Variants in DSTYK observed in about 807,000 individuals in gnomAD.
DSTYK encodes the protein dual serine/threonine and tyrosine protein kinase.
A neutral mutation model predicts 98.7 loss-of-function variants in DSTYK; 34 were observed. That is an observed-to-expected ratio of 0.34 (90% CI 0.26 to 0.46). DSTYK has a LOEUF of 0.46. Among genes scored for constraint, DSTYK ranks in the 20% least tolerant of loss-of-function variants. The pLI is 1.00. For synonymous variants in DSTYK, 462 were observed against 457.3 expected (o/e 1.01, Z -0.13); for missense variants, 962 against 1,181.7 (o/e 0.81, Z 2.73).
intron 1 of DSTYK, among the ~76,000 whole-genome samples, chr1:205,204,090 C>T (rs1659131450): frequency 1.3e-5 from 2 of 152,148 alleles, no homozygotes; most frequent in Non-Finnish European, 2.9e-5. Flanking sequence ...CAACAAGGGG[C>T]CTGATGCCCT....
Position 205,161,952 on chromosome 1 carries a change from T to C in DSTYK, c.1818+84A>G. On this transcript the variant is annotated intron_variant, in intron 6 of 12. Transcript: ENST00000367162. ...CACAGACACACACACATATTATATATGAAGAGCGGAGAGCGAAATATTCCC... is the reference window on the plus strand; with the variant it reads ...CACAGACACACACACATATTATATACGAAGAGCGGAGAGCGAAATATTCCC... 1.5e-6 allele frequency: 2 copies of C among 1,352,128 alleles called. 1 individual carries two copies. The highest frequency in any genetic ancestry group is 2.0e-6 in the Non-Finnish European group (2 of 981,560). The allele number at this position is 1,352,128 out of a possible 1,614,324, so 83.8% of individuals were successfully genotyped here. A position where few individuals can be genotyped will look rare whatever the true frequency, so the allele number is the denominator to read the frequency against.
chr1:205,167,437 C>G (rs939637993), intron 3 of DSTYK, among the ~76,000 whole-genome samples: 1 of 152,090 alleles, frequency 6.6e-6, no homozygotes, highest in African/African-American at 2.4e-5. Flanking sequence ...AAGAAGACTT[C>G]ATGAAAAATG....
At chr1:205,178,138 T>C (rs1049540120) in intron 2 of DSTYK, among the ~76,000 whole-genome samples, 2 of 152,090 alleles carry the variant, frequency 1.3e-5, no homozygotes, top group African/African-American at 4.8e-5. Flanking sequence ...TAGCCCTCAG[T>C]AGCCATAGAA....
intron 2 of DSTYK, among the ~76,000 whole-genome samples, chr1:205,185,568 T>C (rs1431250226): frequency 6.6e-6 from 1 of 152,162 alleles, no homozygotes; most frequent in East Asian, 1.9e-4. Flanking sequence ...ACTTAGTGGG[T>C]TGCTACTAAC....
At chr1:205,195,346 A>G (rs1165129615) in intron 1 of DSTYK, among the ~76,000 whole-genome samples, 4 of 152,242 alleles carry the variant, frequency 2.6e-5, no homozygotes, top group Non-Finnish European at 5.9e-5. Flanking sequence ...GTAATCTTAT[A>G]TAGTCTTTCT....
Position 205,161,391 on chromosome 1 carries a change from G to A in DSTYK, c.1819-4C>T. The A allele has an allele frequency of 6.2e-7, 1 of 1,614,000 alleles. No individual in the cohort carries two copies. The highest frequency in any genetic ancestry group is 8.5e-7 in the Non-Finnish European group (1 of 1,179,958). On this transcript the variant is annotated splice_region_variant and splice_polypyrimidine_tract_variant and intron_variant, in intron 6 of 12. Transcript: ENST00000367162. ...GGCCTGAGTGGCCAGCTTCCAGCTGGGAGAGAAACAGAAAAAGTACATATG... is the reference window on the plus strand; with the variant it reads ...GGCCTGAGTGGCCAGCTTCCAGCTGAGAGAGAAACAGAAAAAGTACATATG...
At chr1:205,179,671 T>C (rs1042237677) in intron 2 of DSTYK, among the ~76,000 whole-genome samples, 20 of 147,928 alleles carry the variant, frequency 1.4e-4, no homozygotes, top group African/African-American at 5.2e-4. Context: ...TCCTAACAAT[T>C]CTAGCTAGGG....
chr1:205,149,789 C>T (rs1331344637), intron 11 of DSTYK, among the ~76,000 whole-genome samples: 1 of 152,206 alleles, frequency 6.6e-6, no homozygotes, highest in African/African-American at 2.4e-5. Context: ...GAATTTCAAA[C>T]TCAATGTATT....
rs2102363463 is a variant in DSTYK at position 205,143,474 on chromosome 1, GGTT to G, written c.*4081_*4083del. ...CTCTTTTGGCAGTGGACTCTTCCAG[GGTT>G]GTTAATCCCACTCTGACACAATATG... On this transcript the variant is annotated 3_prime_UTR_variant, in exon 13 of 13. Coordinates refer to ENST00000367162, the MANE Select transcript of DSTYK (RefSeq NM_015375.3). The G allele has an allele frequency of 6.6e-6, 1 of 152,360 alleles. No individual in the cohort carries two copies. Among genetic ancestry groups the G allele is most frequent in the African/African-American group, 2.4e-5 (1 of 41,518 alleles). The allele number at this position is 152,360 out of a possible 1,614,324, so 9.4% of individuals were successfully genotyped here.
At chr1:205,183,044 C>G (rs368762958) in intron 2 of DSTYK, among the ~76,000 whole-genome samples, 2 of 143,930 alleles carry the variant, frequency 1.4e-5, no homozygotes, top group East Asian at 4.3e-4. Context: ...GCTGCTTCTT[C>G]CTTTTCTTAT....
chr1:205,171,454 TAAAAAAAA>T (rs10536424), intron 2 of DSTYK, among the ~76,000 whole-genome samples: 2 of 115,178 alleles, frequency 1.7e-5, no homozygotes, highest in Admixed American at 9.1e-5. Context: ...CTGTCTCAAT[TAAAAAAAA>T]AAAAAAAAAA....
intron 1 of DSTYK, among the ~76,000 whole-genome samples, chr1:205,200,098 G>A (rs1319093892): frequency 6.6e-6 from 1 of 152,038 alleles, no homozygotes; most frequent in African/African-American, 2.4e-5. Context: ...GTGCAGTGGT[G>A]CAATCTCGGC....
At chr1:205,148,086 G>C (rs189011719) in intron 12 of DSTYK, 119 bp downstream of exon 12, 2 of 1,211,218 alleles carry the variant, frequency 1.7e-6, no homozygotes, top group Non-Finnish European at 2.3e-6. Context: ...CAGTTTAAAC[G>C]TATCTACGGC....
intron 1 of DSTYK, among the ~76,000 whole-genome samples, chr1:205,188,410 C>CT (rs1449559859): frequency 3.3e-5 from 5 of 152,126 alleles, no homozygotes; most frequent in Non-Finnish European, 5.9e-5. Context: ...CACACCTAGG[C>CT]TATAGGGTGT....
At chr1:205,147,772 T>C (rs776063141) in intron 12 of DSTYK, 27 bp from the exon 13 acceptor site, 1 of 1,607,164 alleles carries the variant, frequency 6.2e-7, no homozygotes, top group Non-Finnish European at 8.5e-7. Flanking sequence ...GGAAACAAGA[T>C]CACAGTGAGA....
chr1:205,197,987 A>C (rs894193568), intron 1 of DSTYK, among the ~76,000 whole-genome samples: 2 of 152,186 alleles, frequency 1.3e-5, no homozygotes, highest in Admixed American at 6.5e-5. Flanking sequence ...TGAGGTCGGG[A>C]GTTTGAGACC....
At chr1:205,168,323 C>T (rs573289143) in intron 3 of DSTYK, among the ~76,000 whole-genome samples, 94 of 152,220 alleles carry the variant, frequency 6.2e-4, no homozygotes, top group South Asian at 5.8e-3. Flanking sequence ...AGCTGTGTGA[C>T]CCTGGGCAAA....
chr1:205,147,835 G>T, intron 12 of DSTYK, 90 bp from the exon 13 acceptor site: 1 of 1,358,904 alleles, frequency 7.4e-7, no homozygotes, highest in Non-Finnish European at 1.0e-6. Context: ...ACTTCCCAGT[G>T]GGGCTCAGAA....
At position 205,159,970 on chromosome 1, in the gene DSTYK, G is replaced by A. The variant is rs1002572116; in HGVS notation, c.2105+144C>T. ...GGAAAGAGCAAGCAAAGACAGTAAAGGCCTGAAAGGGAGCACATGTCTGTT... is the reference window on the plus strand; with the variant it reads ...GGAAAGAGCAAGCAAAGACAGTAAAAGCCTGAAAGGGAGCACATGTCTGTT... On this transcript the variant is annotated intron_variant, in intron 8 of 12. Transcript: ENST00000367162. 8 of 979,194 alleles carry A rather than the reference G, an allele frequency of 8.2e-6. No individual in the cohort carries two copies. The Admixed American group carries it at 1.2e-4, about 15-fold the overall frequency. The allele number at this position is 979,194 out of a possible 1,614,324, so 60.7% of individuals were successfully genotyped here.
Sources: gnomAD v4.1 joint callset for allele counts (sites outside exome capture counted in the v4.1 genomes callset) on GRCh38, gnomAD v4.1.1 for gene constraint, MANE v1.5 for transcripts, NCBI Gene and HGNC (gene_info 2026-07-23, HGNC 2026-07-21) for gene names.